NNT: variants seen among roughly 807,000 people sequenced by gnomAD.
NNT encodes nicotinamide nucleotide transhydrogenase, also known as NAD(P) transhydrogenase, mitochondrial.
In NNT, 50 loss-of-function variants were observed where a neutral mutation model predicts 104.8. The ratio of observed to expected loss-of-function variants is 0.48; its 90% confidence interval spans 0.38 to 0.60. The LOEUF (loss-of-function observed/expected upper bound fraction) is 0.60, where lower values mean the gene tolerates loss of function less well. Ranked by LOEUF, NNT falls within the 20% of genes least tolerant of loss-of-function variation. The pLI is 0.00. For missense variants in NNT, 1,131 were observed against 1,330.7 expected (o/e 0.85, Z 2.33); for synonymous variants, 461 against 490.4 (o/e 0.94, Z 0.79).
intron 17 of NNT, among the ~76,000 whole-genome samples, chr5:43,665,535 A>C (rs552299251): frequency 4.6e-5 from 7 of 152,136 alleles, no homozygotes; most frequent in Non-Finnish European, 7.3e-5. Context: ...ATGTTTCAGA[A>C]AGCACCGGGT....
chr5:43,628,186 A>G lies in NNT; in HGVS notation c.777-14A>G. 1 of 1,523,886 alleles carries G rather than the reference A, an allele frequency of 6.6e-7. No homozygotes were observed. The highest frequency in any genetic ancestry group is 8.8e-7 in the Non-Finnish European group (1 of 1,137,580). The allele number at this position is 1,523,886 out of a possible 1,614,324, so 94.4% of individuals were successfully genotyped here. A position where few individuals can be genotyped will look rare whatever the true frequency, so the allele number is the denominator to read the frequency against. ...CTGAAATAACTACTCTTTCCACTTT[A>G]ACAATCACCCTAGAGCTGCAGCTTT... On this transcript the variant is annotated splice_polypyrimidine_tract_variant and intron_variant, in intron 6 of 21. Transcript: ENST00000344920.
rs546486086 is a variant in NNT, at chr5:43,627,355, G to C, written c.777-845G>C. 2.8e-4 allele frequency among the ~76,000 whole-genome samples: 43 copies of C among 152,312 alleles called. 2 individuals carry two copies. The South Asian group carries it at 8.5e-3, about 30-fold the overall frequency. On this transcript the variant is annotated intron_variant, in intron 6 of 21. Coordinates refer to ENST00000344920, the MANE Select transcript of NNT (RefSeq NM_182977.3). ...GTTTCCCAAACTTCCCTGATGACAAGGATGAACTGCAGCTCTTGCTAAAAA... is the reference window on the plus strand; with the variant it reads ...GTTTCCCAAACTTCCCTGATGACAACGATGAACTGCAGCTCTTGCTAAAAA...
chr5:43,645,681 CTCTATATATA>C (rs1267188816), intron 10 of NNT, 171 bp downstream of exon 10: 1 of 65,866 alleles, frequency 1.5e-5, no homozygotes, highest in African/African-American at 5.1e-5. Flanking sequence ...CTCTCTCTCT[CTCTATATATA>C]TATATATATA....
intron 7 of NNT, among the ~76,000 whole-genome samples, chr5:43,632,708 G>A (rs976617169): frequency 1.2e-4 from 18 of 152,156 alleles, no homozygotes; most frequent in African/African-American, 3.9e-4. Flanking sequence ...TGTCCAGCTC[G>A]TTGACCTTTG....
In NNT at chr5:43,704,527, G is replaced by A. The variant is rs2112271273; in HGVS notation, c.*123G>A. Reference sequence around the variant, plus strand: ...AAAGCTCTTGGAGAAAATGAAGACTGAAGAAAGCAAAGCAAAAACTGTATA... The same window carrying A: ...AAAGCTCTTGGAGAAAATGAAGACTAAAGAAAGCAAAGCAAAAACTGTATA... On this transcript the variant is annotated 3_prime_UTR_variant, in exon 22 of 22. Coordinates refer to ENST00000344920, the MANE Select transcript of NNT (RefSeq NM_182977.3). 6 of 1,026,692 alleles carry A rather than the reference G, an allele frequency of 5.8e-6. No individual in the cohort carries two copies. The South Asian group carries it at 7.1e-5, about 12-fold the overall frequency. The allele number at this position is 1,026,692 out of a possible 1,614,324, so 63.6% of individuals were successfully genotyped here.
intron 19 of NNT, among the ~76,000 whole-genome samples, chr5:43,686,037 A>G (rs749080205): frequency 6.6e-6 from 1 of 152,074 alleles, no homozygotes; most frequent in South Asian, 2.1e-4. Context: ...CACTTATATT[A>G]GTTTTTATTC....
At chr5:43,669,467 T>C (rs1740922504) in intron 17 of NNT, among the ~76,000 whole-genome samples, 1 of 152,158 alleles carries the variant, frequency 6.6e-6, no homozygotes, top group South Asian at 2.1e-4. Flanking sequence ...CAATACCTAA[T>C]TTATTGAGAG....
intron 19 of NNT, among the ~76,000 whole-genome samples, chr5:43,686,210 G>C (rs1335895341): frequency 1.3e-5 from 2 of 151,156 alleles, no homozygotes; most frequent in Non-Finnish European, 3.0e-5. Flanking sequence ...TTTCATATTT[G>C]AGAGAGGAAA....
rs373605069 is a variant in NNT, at chr5:43,650,591, T to C, written c.1717+4T>C. 7.5e-6 allele frequency: 12 copies of C among 1,602,330 alleles called. No individual in the cohort carries two copies. The highest frequency in any genetic ancestry group is 5.0e-5 in the Admixed American group (3 of 59,978). ...ATATCCTCTGTCAACATTGCAGGTA[T>C]GATGTCAGTGAAAGGTCTCAGTACT... On this transcript the variant is annotated splice_donor_region_variant and intron_variant, in intron 12 of 21. Coordinates refer to ENST00000344920, the MANE Select transcript of NNT (RefSeq NM_182977.3).
In NNT at chr5:43,704,699, G is replaced by T; in HGVS notation, c.*295G>T. 3.8e-6 allele frequency: 1 copy of T among 262,172 alleles called. No homozygotes were observed. The allele number at this position is 262,172 out of a possible 1,614,324, so 16.2% of individuals were successfully genotyped here. A position where few individuals can be genotyped will look rare whatever the true frequency, so the allele number is the denominator to read the frequency against. On this transcript the variant is annotated 3_prime_UTR_variant, in exon 22 of 22. Coordinates refer to ENST00000344920, the MANE Select transcript of NNT (RefSeq NM_182977.3). Reference sequence around the variant, plus strand: ...GCCTCATTTTAGATGTAGTCCTGTTGGATTTTTTATGCCTCCTCAGTAACC... The same window carrying T: ...GCCTCATTTTAGATGTAGTCCTGTTTGATTTTTTATGCCTCCTCAGTAACC...
Position 43,613,041 on chromosome 5 carries a change from G to A in NNT, c.285G>A (p.Ala95=), listed in dbSNP as rs768145659. The A allele has an allele frequency of 1.6e-5, 26 of 1,613,956 alleles. No individual in the cohort carries two copies. Among genetic ancestry groups the A allele is most frequent in the South Asian group, 3.3e-5 (3 of 91,074 alleles). ...QGFNVVVESG[A]GEASKFSDDH... ...TTAATGTTGTCGTGGAATCGGGTGC[G>A]GGCGAAGCTTCCAAGTTCTCAGATG... is the stretch of plus-strand genomic sequence containing the variant. The change falls in exon 3 of 22, where the codon GCG becomes GCA. Residue 95 remains alanine, a synonymous_variant. Coordinates refer to ENST00000344920, the MANE Select transcript of NNT (RefSeq NM_182977.3).
chr5:43,676,546 A>G (rs757710348), intron 18 of NNT, among the ~76,000 whole-genome samples: 1 of 152,198 alleles, frequency 6.6e-6, no homozygotes, highest in Non-Finnish European at 1.5e-5. Flanking sequence ...TGGGAATGCT[A>G]CTGTCAATTA....
chr5:43,626,869 G>GTA (rs551529132), intron 6 of NNT, among the ~76,000 whole-genome samples: 1,605 of 151,166 alleles, frequency 0.011, 36 homozygotes, highest in African/African-American at 0.038. Context: ...ATGTATGTGT[G>GTA]TATATATATA....
intron 17 of NNT, among the ~76,000 whole-genome samples, chr5:43,672,752 G>A (rs1287093955): frequency 4.6e-5 from 7 of 152,250 alleles, no homozygotes; most frequent in Non-Finnish European, 8.8e-5. Flanking sequence ...TGAGGAGGCA[G>A]TCTGTCCGTT....
chr5:43,691,304 A>G (rs1427581117), intron 19 of NNT, among the ~76,000 whole-genome samples: 1 of 152,140 alleles, frequency 6.6e-6, no homozygotes, highest in Non-Finnish European at 1.5e-5. Flanking sequence ...AGATTTCACC[A>G]TGTTGGCCAG....
At chr5:43,617,020 A>G (rs974447393) in intron 4 of NNT, among the ~76,000 whole-genome samples, 11 of 152,224 alleles carry the variant, frequency 7.2e-5, no homozygotes, top group African/African-American at 2.2e-4. Flanking sequence ...ACACCTAAGC[A>G]GAAAGTTTTC....
intron 5 of NNT, among the ~76,000 whole-genome samples, chr5:43,623,813 A>G (rs1325047105): frequency 6.6e-6 from 1 of 152,180 alleles, no homozygotes; most frequent in Non-Finnish European, 1.5e-5. Context: ...GGCCTTTGCT[A>G]GCAGTTGTTT....
chr5:43,693,640 GCA>G (rs1742402543), intron 19 of NNT, among the ~76,000 whole-genome samples: 1 of 152,048 alleles, frequency 6.6e-6, no homozygotes, highest in African/African-American at 2.4e-5. Context: ...CTCTGATTTG[GCA>G]CAGATGGTGA....
chr5:43,609,072 AT>A, intron 1 of NNT, 70 bp from the exon 2 acceptor site: 1 of 681,638 alleles, frequency 1.5e-6, no homozygotes, highest in Non-Finnish European at 2.4e-6. Flanking sequence ...TATTTTTAAA[AT>A]GTTTTTCATG....
Sources: allele counts gnomAD v4.1 joint callset (sites outside exome capture counted in the v4.1 genomes callset), GRCh38; gene constraint gnomAD v4.1.1; transcripts MANE v1.5; gene names NCBI Gene and HGNC (gene_info 2026-07-23, HGNC 2026-07-21).